Variants in POLA2 observed in about 807,000 individuals in gnomAD.
POLA2 encodes the protein DNA polymerase alpha 2, accessory subunit.
POLA2 carries 47 observed loss-of-function variants against 82.8 expected under a neutral mutation model. That is an observed-to-expected ratio of 0.57 (90% confidence interval 0.45 to 0.72). The LOEUF (loss-of-function observed/expected upper bound fraction) is 0.72. POLA2 is among the 30% of genes least tolerant of loss of function. POLA2 has a pLI of 0.00. For synonymous variants in POLA2, 287 were observed against 286.8 expected, an observed-to-expected ratio of 1.00 and a Z score of -0.01; for missense variants, 634 against 728.1, an observed-to-expected ratio of 0.87 and a Z score of 1.49.
chr11:65,294,547 A>T lies in POLA2; in HGVS notation c.1355A>T (p.Gln452Leu). The T allele has an allele frequency of 6.2e-7, 1 of 1,608,416 alleles. No individual in the cohort carries two copies. ...TGTTTCAATCCGTTCTCATTTTAGC[A>T]AGTACAGTTTGTGTCCGAGCCCTGC... The part of the protein sequence containing the change: ...YSDLSREDKK[Q>L]VQFVSEPCSL... The change falls in exon 15 of 18, where the codon CAA becomes CTA. Residue 452 changes from glutamine (Q) to leucine (L), a missense_variant and splice_region_variant. Transcript: ENST00000265465.
chr11:65,289,068 G>A lies in POLA2; in HGVS notation c.1150G>A (p.Ala384Thr), dbSNP rs760274602. 8.0e-5 allele frequency: 129 copies of A among 1,613,442 alleles called. No individual in the cohort carries two copies. Among genetic ancestry groups the A allele is most frequent in the Middle Eastern group, 3.3e-4 (2 of 6,080 alleles). Residue 384 changes from alanine (A) to threonine (T), a missense_variant, in exon 12 of 18, where the codon GCT becomes ACT. By Grantham distance (58) the Ala-to-Thr change is moderately conservative (BLOSUM62 0). Coordinates refer to ENST00000265465, the MANE Select transcript of POLA2 (RefSeq NM_002689.4). ...CTTGCAGTTTGGCCCTTTCCTGGAT[G>A]CTAAGCATGAACAGGTGGAGGTGAG... ...VCILFGPFLD[A>T]KHEQVENCLL...
intron 11 of POLA2, among the ~76,000 whole-genome samples, 199 bp downstream of exon 11, chr11:65,288,039 C>T (rs1300403360): frequency 2.6e-5 from 4 of 152,156 alleles, no homozygotes; most frequent in Non-Finnish European, 4.4e-5. Context: ...GGCGCAGTGG[C>T]TCACGCCTGT....
chr11:65,275,853 T>A, intron 4 of POLA2, 39 bp from the exon 5 acceptor site: 1 of 1,170,786 alleles, frequency 8.5e-7, no homozygotes, highest in Non-Finnish European at 1.3e-6. Context: ...GTATTGGGTC[T>A]AGTAGGACTG....
At chr11:65,262,439 G>T in intron 1 of POLA2, 68 bp downstream of exon 1, 3 of 1,360,768 alleles carry the variant, frequency 2.2e-6, no homozygotes, top group Non-Finnish European at 2.0e-6. Flanking sequence ...TCGGCGCCTA[G>T]AACCGAAAGT....
chr11:65,280,406 A>G (rs528526753), intron 7 of POLA2: 2 of 152,818 alleles, frequency 1.3e-5, no homozygotes, highest in South Asian at 2.1e-4. Context: ...GTATGTGGCT[A>G]AGGATATGGC....
intron 10 of POLA2, among the ~76,000 whole-genome samples, chr11:65,283,883 G>A (rs1200012969): frequency 6.6e-6 from 1 of 151,550 alleles, no homozygotes; most frequent in Non-Finnish European, 1.5e-5. Flanking sequence ...CATAATTTCA[G>A]CACTTCACAG....
chr11:65,262,424 G>A, intron 1 of POLA2, 53 bp downstream of exon 1: 1 of 1,480,832 alleles, frequency 6.8e-7, no homozygotes, highest in Non-Finnish European at 9.3e-7. Context: ...TCTCGCCCGA[G>A]TTCCTCGGCG....
At position 65,287,755 on chromosome 11, in the gene POLA2, ACAC is replaced by A. The variant is rs779456635; in HGVS notation, c.1050_1052del (p.Thr351del). 1 of 1,613,462 alleles carries A rather than the reference ACAC, an allele frequency of 6.2e-7. No homozygotes were observed. The highest frequency in any genetic ancestry group is 8.5e-7 in the Non-Finnish European group (1 of 1,179,556). On this transcript the variant is annotated inframe_deletion, in exon 11 of 18. Coordinates refer to ENST00000265465, the MANE Select transcript of POLA2 (RefSeq NM_002689.4). ...ATGGTCCTGGTTGCCTGTGGACCAT[ACAC>A]CACATCTGACAGCATCACGTATGAC... is the stretch of plus-strand genomic sequence containing the variant.
At chr11:65,289,984 C>A in intron 13 of POLA2, 112 bp downstream of exon 13, 1 of 683,424 alleles carries the variant, frequency 1.5e-6, no homozygotes, top group South Asian at 1.7e-5. Flanking sequence ...CTCAGTGGAT[C>A]ACACCTGTAA....
intron 4 of POLA2, among the ~76,000 whole-genome samples, chr11:65,273,694 ATGT>A (rs1216424001): frequency 2.6e-5 from 4 of 151,970 alleles, no homozygotes; most frequent in African/African-American, 9.7e-5. Flanking sequence ...GGGTGTCACT[ATGT>A]TGCTCAGGCT....
rs1332404074 is a variant in POLA2, at chr11:65,267,494, A to T, written c.222A>T (p.Leu74Phe). Residue 74 changes from leucine to phenylalanine, a missense_variant, in exon 3 of 18, where the codon TTA becomes TTT. By Grantham distance (22) the Leu-to-Phe change is conservative. Transcript: ENST00000265465. ...TTTTTCAGTTTCTGAGCAAAAGATT[A>T]TCGAAAGCCAGGCATAGTACCTGCA... Reference protein sequence around the residue: ...SFEHEFLSKRLSKARHSTCKD... With the variant: ...SFEHEFLSKRFSKARHSTCKD... 1.9e-6 allele frequency: 3 copies of T among 1,610,664 alleles called. No homozygotes were observed. Among genetic ancestry groups the T allele is most frequent in the Admixed American group, 3.4e-5 (2 of 59,392 alleles).
chr11:65,304,539 T>G (rs1949876502), intron 8 of POLA2, among the ~76,000 whole-genome samples: 1 of 150,900 alleles, frequency 6.6e-6, no homozygotes, highest in African/African-American at 2.4e-5. Context: ...AAAATGGACA[T>G]GAACCAAATG....
At chr11:65,293,679 C>T (rs1477900693) in intron 13 of POLA2, among the ~76,000 whole-genome samples, 1 of 151,802 alleles carries the variant, frequency 6.6e-6, no homozygotes, top group Non-Finnish European at 1.5e-5. Flanking sequence ...GAAAAATGCC[C>T]CAGCTCCATG....
At chr11:65,305,407 G>A (rs1270415497) in exon 9 of POLA2, 2 of 456,212 alleles carry the variant, frequency 4.4e-6, no homozygotes, top group Non-Finnish European at 8.8e-6. Context: ...ATCAAAATAG[G>A]TGGAAACCAG....
At chr11:65,282,436 T>C in intron 9 of POLA2, 43 bp from the exon 10 acceptor site, 1 of 1,589,090 alleles carries the variant, frequency 6.3e-7, no homozygotes, top group Non-Finnish European at 8.6e-7. Context: ...ACCAAGGTGA[T>C]GCCTGGCGCA....
At chr11:65,268,541 A>C (rs1023948536) in intron 3 of POLA2, 131 bp from the exon 4 acceptor site, 4 of 583,138 alleles carry the variant, frequency 6.9e-6, no homozygotes, top group Non-Finnish European at 1.2e-5. Flanking sequence ...ACGGGGTTTC[A>C]CTGTGTTAGC....
At chr11:65,300,591 G>C (rs1263895852), downstream of POLA2, among the ~76,000 whole-genome samples, 1 of 150,992 alleles carries the variant, frequency 6.6e-6, no homozygotes, top group Admixed American at 6.6e-5. Context: ...TTGTTTTTTT[G>C]TTTGTTTCTG....
chr11:65,282,404 C>A, intron 9 of POLA2, 75 bp from the exon 10 acceptor site: 1 of 1,270,210 alleles, frequency 7.9e-7, no homozygotes, highest in Non-Finnish European at 1.2e-6. Flanking sequence ...CCACCCCCAA[C>A]CTGGTGCCCT....
Position 65,261,992 on chromosome 11 carries a change from G to A in POLA2, c.-301G>A, listed in dbSNP as rs1433456914. The A allele has an allele frequency of 4.4e-6, 2 of 458,588 alleles. No individual in the cohort carries two copies. The highest frequency in any genetic ancestry group is 7.8e-6 in the Non-Finnish European group (2 of 257,338). The allele number at this position is 458,588 out of a possible 1,614,324, so 28.4% of individuals were successfully genotyped here. A position where few individuals can be genotyped will look rare whatever the true frequency, so the allele number is the denominator to read the frequency against. Reference sequence around the variant, plus strand: ...TGCCACCGTCACTGAGAAGCTCAGCGGTAGCTTTTGGGAAGCAGGACGTTC... The same window carrying A: ...TGCCACCGTCACTGAGAAGCTCAGCAGTAGCTTTTGGGAAGCAGGACGTTC... On this transcript the variant is annotated 5_prime_UTR_variant, in exon 1 of 18. Coordinates refer to ENST00000265465, the MANE Select transcript of POLA2 (RefSeq NM_002689.4).
Sources: gnomAD v4.1 joint callset for allele counts (sites outside exome capture counted in the v4.1 genomes callset) on GRCh38, gnomAD v4.1.1 for gene constraint, MANE v1.5 for transcripts, NCBI Gene and HGNC (gene_info 2026-07-23, HGNC 2026-07-21) for gene names.